The following SARDH variants were observed in gnomAD, a reference collection of about 807,000 sequenced individuals.
SARDH encodes sarcosine dehydrogenase, mitochondrial.
SARDH carries 95 observed loss-of-function variants against 109.1 expected under a neutral mutation model. That is an observed-to-expected ratio of 0.87 (90% CI 0.74 to 1.03). The LOEUF (loss-of-function observed/expected upper bound fraction) is 1.03. Among genes scored for constraint, SARDH ranks in the 50% least tolerant of loss-of-function variants. SARDH has a pLI of 0.00. For synonymous variants in SARDH, 572 were observed against 534.8 expected (o/e 1.07, Z -0.96); for missense variants, 1,267 against 1,287.8 (o/e 0.98, Z 0.25).
chr9:133,682,277 G>A (rs1830724405), intron 17 of SARDH, among the ~76,000 whole-genome samples: 1 of 152,206 alleles, frequency 6.6e-6, no homozygotes, highest in Non-Finnish European at 1.5e-5. Context: ...AGGAACAGGG[G>A]AACAGTCACG....
At chr9:133,667,720 G>A (rs1480586573) in intron 19 of SARDH, among the ~76,000 whole-genome samples, 1 of 152,160 alleles carries the variant, frequency 6.6e-6, no homozygotes, top group Non-Finnish European at 1.5e-5. Flanking sequence ...GAAGGGCTGG[G>A]GTGATGTTGA....
At chr9:133,661,185 C>A (rs1832407509), downstream of SARDH, among the ~76,000 whole-genome samples, 1 of 151,998 alleles carries the variant, frequency 6.6e-6, no homozygotes, top group Non-Finnish European at 1.5e-5. Flanking sequence ...ACTAAAAATA[C>A]AAAAATTAGC....
chr9:133,691,169 A>ACCAC, intron 15 of SARDH, among the ~76,000 whole-genome samples: 1 of 112,136 alleles, frequency 8.9e-6, no homozygotes, highest in Non-Finnish European at 1.8e-5. Flanking sequence ...CACCTCCCCC[A>ACCAC]ACACACACAC....
At chr9:133,680,793 T>C (rs1830670702) in intron 17 of SARDH, among the ~76,000 whole-genome samples, 1 of 149,170 alleles carries the variant, frequency 6.7e-6, no homozygotes, top group Non-Finnish European at 1.5e-5. Context: ...CACGCAGACC[T>C]GGCCGCCAGG....
rs1228462150 is a variant in SARDH at position 133,679,401 on chromosome 9, A to G, written c.2163+5792T>C. Among the ~76,000 whole-genome samples the G allele has an allele frequency of 3.9e-5, 6 of 152,224 alleles. No individual in the cohort carries two copies. In the South Asian group the frequency reaches 1.0e-3, roughly 26 times the overall value. On this transcript the variant is annotated intron_variant, in intron 17 of 20. Coordinates refer to ENST00000439388, the MANE Select transcript of SARDH (RefSeq NM_001134707.2). ...AAATCCTAACAGCGCCGCGACTAGG[A>G]CTTCTCGCTGTCAGGAAAAGAGATT...
intron 17 of SARDH, among the ~76,000 whole-genome samples, chr9:133,679,062 G>A (rs557018010): frequency 1.8e-4 from 28 of 152,212 alleles, no homozygotes; most frequent in Admixed American, 2.6e-4. Context: ...GGTGGGGGTC[G>A]AAGCTTCCCA....
At chr9:133,730,392 A>G (rs1392521058) in intron 4 of SARDH, among the ~76,000 whole-genome samples, 1 of 152,010 alleles carries the variant, frequency 6.6e-6, no homozygotes, top group Non-Finnish European at 1.5e-5. Flanking sequence ...GGAGAACTTG[A>G]AAGTTGGGCA....
At chr9:133,672,444 C>G (rs146351453) in intron 17 of SARDH, among the ~76,000 whole-genome samples, 14 of 152,340 alleles carry the variant, frequency 9.2e-5, no homozygotes, top group Non-Finnish European at 1.3e-4. Flanking sequence ...CTCACCCTTC[C>G]TTGTCTGTAA....
chr9:133,703,853 C>T (rs923051779), intron 12 of SARDH, among the ~76,000 whole-genome samples: 1 of 152,200 alleles, frequency 6.6e-6, no homozygotes. Flanking sequence ...GAGTACCCCC[C>T]TCCCCAGCAG....
At position 133,712,764 on chromosome 9, in the gene SARDH, T is replaced by G; in HGVS notation, c.1238-55A>C. ...TCTGCCCCCCAGGGTCCCCCACCCA[T>G]GTCCAAACATGTGCCCCCATCTCCA... On this transcript the variant is annotated intron_variant, in intron 9 of 20. Transcript: ENST00000439388. This position sits in a 1 kb window ranked among gnomAD's most constrained non-coding sequence, Gnocchi z 4.1. 6.7e-7 allele frequency: 1 copy of G among 1,503,156 alleles called. No individual in the cohort carries two copies. The highest frequency in any genetic ancestry group is 9.1e-7 in the Non-Finnish European group (1 of 1,094,056). The allele number at this position is 1,503,156 out of a possible 1,614,324, so 93.1% of individuals were successfully genotyped here.
chr9:133,733,828 G>A lies in SARDH; in HGVS notation c.331+15C>T. The A allele has an allele frequency of 6.9e-7, 1 of 1,447,998 alleles. No homozygotes were observed. The highest frequency in any genetic ancestry group is 1.5e-5 in the South Asian group (1 of 67,570). The allele number at this position is 1,447,998 out of a possible 1,614,324, so 89.7% of individuals were successfully genotyped here. ...TCCTATCCTTCCCTGCCCCTACCTG[G>A]CCCCCGGTCCCTACCTGCCGTGTGC... On this transcript the variant is annotated intron_variant, in intron 2 of 20. Coordinates refer to ENST00000439388, the MANE Select transcript of SARDH (RefSeq NM_001134707.2).
chr9:133,719,185 T>C (rs918498589), intron 6 of SARDH, 143 bp from the exon 7 acceptor site: 4 of 646,840 alleles, frequency 6.2e-6, no homozygotes, highest in Admixed American at 5.1e-5. Context: ...GAGGACAGAG[T>C]GGACACGGGG....
intron 12 of SARDH, chr9:133,703,641 C>T (rs1259094139): frequency 3.3e-5 from 5 of 153,004 alleles, no homozygotes; most frequent in Non-Finnish European, 5.8e-5. Flanking sequence ...CCTCCCTGGC[C>T]GCTGCTCCTG....
rs147167000 is a variant in SARDH at position 133,694,248 on chromosome 9, C to T, written c.1921+10G>A. On this transcript the variant is annotated intron_variant, in intron 15 of 20. Transcript: ENST00000439388. ...AGTCACAGCGCCGTGTGCACAGAGG[C>T]ATCCCATACCTTCAAAGGCGGGGGC... The T allele has an allele frequency of 6.9e-4, 1,065 of 1,535,808 alleles. 12 individuals are homozygous for T. In the African/African-American group the frequency reaches 0.013, roughly 19 times the overall value.
In SARDH at chr9:133,671,632, G is replaced by A. The variant is rs371606099; in HGVS notation, c.2229C>T (p.Ser743=). Residue 743 remains serine, a synonymous_variant, in exon 18 of 21, where the codon TCC becomes TCT. Coordinates refer to ENST00000439388, the MANE Select transcript of SARDH (RefSeq NM_001134707.2). ...LGWELHIPKA[S]CVPVYRAVMA... is the part of the protein sequence containing the mutation. ...TCACAGCCCGGTACACAGGCACGCA[G>A]GACGCCTTTGGAATGTGCAGCTCCC... 3 of 1,598,482 alleles carry A rather than the reference G, an allele frequency of 1.9e-6. No individual in the cohort carries two copies. The highest frequency in any genetic ancestry group is 2.6e-6 in the Non-Finnish European group (3 of 1,173,172).
chr9:133,703,427 A>G, intron 12 of SARDH: 1 of 238,918 alleles, frequency 4.2e-6, no homozygotes. Context: ...TTACACTCCT[A>G]CCAGGTGTGC....
At chr9:133,721,977 G>A (rs1475913560) in intron 6 of SARDH, among the ~76,000 whole-genome samples, 2 of 152,078 alleles carry the variant, frequency 1.3e-5, no homozygotes, top group African/African-American at 4.8e-5. Flanking sequence ...TCAGCTGGGT[G>A]TCGTGGCACA....
In SARDH at chr9:133,734,193, G is replaced by A. The variant is rs2488553; in HGVS notation, c.-20C>T. Reference sequence around the variant, plus strand: ...GGCCATGGGGGCTCCAGGCCTCAGCGAAACAGGGAGCTGGGGAGAGAATCA... The same window carrying A: ...GGCCATGGGGGCTCCAGGCCTCAGCAAAACAGGGAGCTGGGGAGAGAATCA... On this transcript the variant is annotated 5_prime_UTR_variant, in exon 2 of 21. Transcript: ENST00000439388. 0.76 allele frequency: 1,155,265 copies of A among 1,525,986 alleles called. 445,146 individuals carry two copies. Among genetic ancestry groups the A allele is most frequent in the Non-Finnish European group, 0.79 (902,175 of 1,137,102 alleles). The allele number at this position is 1,525,986 out of a possible 1,614,324, so 94.5% of individuals were successfully genotyped here. A position where few individuals can be genotyped will look rare whatever the true frequency, so the allele number is the denominator to read the frequency against.
intron 14 of SARDH, among the ~76,000 whole-genome samples, chr9:133,695,933 G>C (rs28472298): frequency 0.018 from 2,694 of 152,308 alleles, 86 homozygotes; most frequent in African/African-American, 0.06. Flanking sequence ...TCCCAGGAGA[G>C]ACGTGGCTGA....
Sources: allele counts gnomAD v4.1 joint callset (sites outside exome capture counted in the v4.1 genomes callset), GRCh38; gene constraint gnomAD v4.1.1; non-coding constraint Gnocchi (gnomAD v3.1); transcripts MANE v1.5; gene names NCBI Gene and HGNC (gene_info 2026-07-23, HGNC 2026-07-21).